TTC1: variants seen among roughly 807,000 people sequenced by gnomAD.
The protein encoded by TTC1 is tetratricopeptide repeat domain 1, also known as tetratricopeptide repeat protein 1.
TTC1 carries 31 observed loss-of-function variants against 37.6 expected under a neutral mutation model. The observed-to-expected ratio is 0.82, with a 90% CI of 0.62 to 1.11. The LOEUF is 1.11. Ranked by LOEUF, TTC1 falls within the 50% of genes most tolerant of loss-of-function variation. TTC1 has a pLI of 0.00. For synonymous variants in TTC1, 127 were observed against 122.4 expected (o/e 1.04, Z -0.25); for missense variants, 351 against 339.0 (o/e 1.04, Z -0.28).
At chr5:160,010,894 T>C (rs759507436) in intron 2 of TTC1, 36 bp downstream of exon 2, 13 of 1,568,648 alleles carry the variant, frequency 8.3e-6, no homozygotes, top group Non-Finnish European at 1.0e-5. Flanking sequence ...ATCTGCCACT[T>C]ACACTGCATT....
rs141358788 is a variant in TTC1 at position 160,065,120 on chromosome 5, A to T, written c.*55A>T. 814 of 1,587,574 alleles carry T rather than the reference A, an allele frequency of 5.1e-4. 4 individuals are homozygous for T. The African/African-American group carries it at 0.01, about 20-fold the overall frequency. ...TTGGAATTGTGTGCTGCTTGCTGTT[A>T]GCTAGGGGAAAGGCCCTGCCAATGT... On this transcript the variant is annotated 3_prime_UTR_variant, in exon 8 of 8. Coordinates refer to ENST00000231238, the MANE Select transcript of TTC1 (RefSeq NM_003314.3).
At chr5:160,051,534 G>A (rs3733870) in intron 7 of TTC1, among the ~76,000 whole-genome samples, 119,140 of 152,204 alleles carry the variant, frequency 0.78, 46,784 homozygotes, top group East Asian at 0.89. Context: ...TTTCTTCATT[G>A]AATAATCATT....
chr5:160,010,866 T>C lies in TTC1; in HGVS notation c.330+8T>C. On this transcript the variant is annotated splice_region_variant and intron_variant, in intron 2 of 7. Transcript: ENST00000231238. ...TCGGATGAAGAGAAACAGGTAAGTA[T>C]TTTATTTATTGTGCAAGATCTGCCA... The C allele has an allele frequency of 1.2e-6, 2 of 1,607,138 alleles. No individual in the cohort carries two copies. Among genetic ancestry groups the C allele is most frequent in the Non-Finnish European group, 1.7e-6 (2 of 1,175,856 alleles).
At chr5:160,028,668 G>T (rs1041419440) in intron 2 of TTC1, among the ~76,000 whole-genome samples, 2 of 151,862 alleles carry the variant, frequency 1.3e-5, no homozygotes, top group Non-Finnish European at 2.9e-5. Context: ...TAGAAACAGG[G>T]TTTCGCCATG....
chr5:160,064,247 G>C (rs1753529552), intron 7 of TTC1, among the ~76,000 whole-genome samples: 1 of 152,178 alleles, frequency 6.6e-6, no homozygotes, highest in African/African-American at 2.4e-5. Flanking sequence ...GGGATTACAG[G>C]CGTGAGCCAC....
At chr5:160,013,471 G>A (rs187474490) in intron 2 of TTC1, among the ~76,000 whole-genome samples, 5 of 152,116 alleles carry the variant, frequency 3.3e-5, no homozygotes, top group East Asian at 3.9e-4. Flanking sequence ...CAGGCTGGGC[G>A]TGGTGGCTCA....
intron 1 of TTC1, among the ~76,000 whole-genome samples, chr5:160,009,611 TA>T (rs1756457992): frequency 6.6e-6 from 1 of 152,110 alleles, no homozygotes; most frequent in South Asian, 2.1e-4. Context: ...AATAAATAAA[TA>T]AATAAACCTG....
At chr5:160,016,339 C>G (rs2113343701) in intron 2 of TTC1, among the ~76,000 whole-genome samples, 1 of 152,290 alleles carries the variant, frequency 6.6e-6, no homozygotes, top group South Asian at 2.1e-4. Context: ...GATCACGCCA[C>G]TGCACTCCAG....
At chr5:160,046,268 GTCGT>G (rs1443002681) in intron 5 of TTC1, among the ~76,000 whole-genome samples, 3 of 152,110 alleles carry the variant, frequency 2.0e-5, no homozygotes, top group African/African-American at 7.2e-5. Flanking sequence ...GCTCAATTTA[GTCGT>G]TGCTTCTCTA....
intron 2 of TTC1, among the ~76,000 whole-genome samples, chr5:160,012,833 T>C (rs1323938163): frequency 6.6e-6 from 1 of 152,200 alleles, no homozygotes; most frequent in African/African-American, 2.4e-5. Context: ...ACCTGCATAG[T>C]TCACGTTTCT....
At chr5:160,032,760 C>CTAGAGTGCA (rs2113365802) in intron 2 of TTC1, among the ~76,000 whole-genome samples, 1 of 124,222 alleles carries the variant, frequency 8.1e-6, no homozygotes, top group South Asian at 2.7e-4. Context: ...TGTCGCCAGG[C>CTAGAGTGCA]TAGAGTGCAG....
Position 160,057,463 on chromosome 5 carries a change from A to T in TTC1, c.745+6280A>T, listed in dbSNP as rs1435970779. Reference sequence around the variant, plus strand: ...AATACATTATTAAAAAATGCTGACGATGAGCCCAGCCTTTAGGGAGTTGTA... The same window carrying T: ...AATACATTATTAAAAAATGCTGACGTTGAGCCCAGCCTTTAGGGAGTTGTA... On this transcript the variant is annotated intron_variant, in intron 7 of 7. Transcript: ENST00000231238. This position sits in a 1 kb window ranked among gnomAD's most constrained non-coding sequence, Gnocchi z 4.4. Among the ~76,000 whole-genome samples, 1 of 151,958 alleles carries T rather than the reference A, an allele frequency of 6.6e-6. No homozygotes were observed. Among genetic ancestry groups the T allele is most frequent in the African/African-American group, 2.4e-5 (1 of 41,400 alleles).
At chr5:160,045,266 AAT>A (rs1757184871) in intron 5 of TTC1, among the ~76,000 whole-genome samples, 1 of 152,116 alleles carries the variant, frequency 6.6e-6, no homozygotes, top group Non-Finnish European at 1.5e-5. Context: ...TTGCCTAGAA[AAT>A]GAGGGAAAGG....
intron 4 of TTC1, among the ~76,000 whole-genome samples, chr5:160,041,849 T>G (rs1757101092): frequency 6.6e-6 from 1 of 152,192 alleles, no homozygotes; most frequent in South Asian, 2.1e-4. Context: ...TTAAAATACC[T>G]TCACAGTGTT....
chr5:160,016,633 T>G (rs553368811), intron 2 of TTC1, among the ~76,000 whole-genome samples: 31 of 152,306 alleles, frequency 2.0e-4, no homozygotes, highest in African/African-American at 7.2e-4. Context: ...TTTGTAATAT[T>G]TGCTTTTTTT....
chr5:160,031,618 A>T (rs777248408), intron 2 of TTC1, among the ~76,000 whole-genome samples: 12 of 152,112 alleles, frequency 7.9e-5, no homozygotes, highest in East Asian at 7.7e-4. Context: ...TGTCTCAAAA[A>T]AAATAAATAA....
At chr5:160,058,691 G>A (rs148966143) in intron 7 of TTC1, among the ~76,000 whole-genome samples, 5,947 of 152,162 alleles carry the variant, frequency 0.039, 140 homozygotes, top group East Asian at 0.1. Context: ...GATTACAGGC[G>A]TGAGCCACCG....
intron 5 of TTC1, among the ~76,000 whole-genome samples, chr5:160,045,504 ACACAC>A (rs1561634803): frequency 1.1e-5 from 1 of 95,140 alleles, no homozygotes; most frequent in African/African-American, 4.1e-5. Flanking sequence ...ACACACACAC[ACACAC>A]ACACATACAC....
At chr5:160,012,512 T>C (rs1756521133) in intron 2 of TTC1, among the ~76,000 whole-genome samples, 1 of 151,930 alleles carries the variant, frequency 6.6e-6, no homozygotes. Flanking sequence ...ACAACAGGCT[T>C]GCACCACCCT....
Sources: gnomAD v4.1 joint callset for allele counts (sites outside exome capture counted in the v4.1 genomes callset) on GRCh38, gnomAD v4.1.1 for gene constraint, Gnocchi (gnomAD v3.1) non-coding constraint, MANE v1.5 for transcripts, NCBI Gene and HGNC (gene_info 2026-07-23, HGNC 2026-07-21) for gene names.